IL17RD: variants seen among roughly 807,000 people sequenced by gnomAD.
IL17RD encodes interleukin-17 receptor D.
IL17RD carries 52 observed loss-of-function variants against 80.5 expected under a neutral mutation model. That is an observed-to-expected ratio of 0.65 (90% confidence interval 0.52 to 0.81). IL17RD has a LOEUF of 0.81. Ranked by LOEUF, IL17RD falls within the 40% of genes least tolerant of loss-of-function variation. IL17RD has a pLI of 0.00. For missense variants in IL17RD, 1,024 were observed against 955.1 expected (o/e 1.07, Z -0.95); for synonymous variants, 416 against 391.8 (o/e 1.06, Z -0.73).
intron 1 of IL17RD, among the ~76,000 whole-genome samples, chr3:57,161,805 C>A (rs960257620): frequency 3.3e-5 from 5 of 152,218 alleles, no homozygotes; most frequent in African/African-American, 1.2e-4. Flanking sequence ...CAAAACCATT[C>A]CACTCTAGAA....
chr3:57,131,363 G>A (rs1048528596), intron 1 of IL17RD, among the ~76,000 whole-genome samples: 1 of 152,090 alleles, frequency 6.6e-6, no homozygotes, highest in Non-Finnish European at 1.5e-5. Flanking sequence ...AAATACCACC[G>A]TCCTGCCTTA....
chr3:57,141,279 G>A (rs1707823394), intron 1 of IL17RD, among the ~76,000 whole-genome samples: 1 of 152,072 alleles, frequency 6.6e-6, no homozygotes, highest in Non-Finnish European at 1.5e-5. Flanking sequence ...ATTTTTGAGG[G>A]CATAAAAAAG....
At chr3:57,169,867 A>G (rs909059812), upstream of IL17RD, among the ~76,000 whole-genome samples, 2 of 152,144 alleles carry the variant, frequency 1.3e-5, no homozygotes, top group African/African-American at 2.4e-5. Flanking sequence ...CTGGATGTCA[A>G]TCAGGCTACC....
At chr3:57,113,200 G>A (rs1707136778) in intron 3 of IL17RD, among the ~76,000 whole-genome samples, 1 of 151,996 alleles carries the variant, frequency 6.6e-6, no homozygotes, top group Non-Finnish European at 1.5e-5. Flanking sequence ...TATAATACAG[G>A]TTTGCTTTTT....
Position 57,143,116 on chromosome 3 carries a change from G to C in IL17RD, c.126+22045C>G, listed in dbSNP as rs140833049. On this transcript the variant is annotated intron_variant, in intron 1 of 12. Coordinates refer to ENST00000296318, the MANE Select transcript of IL17RD (RefSeq NM_017563.5). ...TCACAAACCAAAGTTTATGTGAGCA[G>C]CTAAGCCCCCTTTCAAAGTAGAGAG... is the stretch of plus-strand genomic sequence containing the variant. Among the ~76,000 whole-genome samples the C allele has an allele frequency of 3.7e-4, 57 of 152,344 alleles. No individual in the cohort carries two copies. The East Asian group carries it at 9.2e-3, about 25-fold the overall frequency.
intron 1 of IL17RD, among the ~76,000 whole-genome samples, chr3:57,141,058 G>T (rs1227540141): frequency 6.6e-6 from 1 of 151,904 alleles, no homozygotes; most frequent in Admixed American, 6.6e-5. Flanking sequence ...ATCATGCCTG[G>T]CTAATTTTTA....
intron 1 of IL17RD, among the ~76,000 whole-genome samples, chr3:57,135,479 C>T (rs1707706285): frequency 6.6e-6 from 1 of 152,164 alleles, no homozygotes; most frequent in Admixed American, 6.5e-5. Context: ...GTAAAGATAA[C>T]AAGTTCAAGG....
Position 57,105,968 on chromosome 3 carries a change from C to G in IL17RD, c.636G>C (p.Ser212=), listed in dbSNP as rs745650049. The change falls in exon 7 of 13, where the codon TCG becomes TCC. Residue 212 remains serine, a synonymous_variant. Transcript: ENST00000296318. ...CATGGTCGAAGGACACCTGCATGTC[C>G]GAGCCATGCTGGCTGATGTTCAGGT... ...PRNLNISQHG[S]DMQVSFDHAP... is the part of the protein sequence containing the mutation. The G allele has an allele frequency of 6.2e-7, 1 of 1,613,810 alleles. No homozygotes were observed. The highest frequency in any genetic ancestry group is 8.5e-7 in the Non-Finnish European group (1 of 1,179,784).
At position 57,096,317 on chromosome 3, in the gene IL17RD, T is replaced by A. The variant is rs1016618833; in HGVS notation, c.*76A>T. 2 of 989,646 alleles carry A rather than the reference T, an allele frequency of 2.0e-6. No homozygotes were observed. The highest frequency in any genetic ancestry group is 1.3e-5 in the South Asian group (1 of 78,214). 61.3% of individuals were successfully genotyped at this position (989,646 alleles called of 1,614,324 possible). ...TGAGACCTCAGCTCCAAGTGGGCCA[T>A]GCAACCAGGGAGATGAGCTGGGGAA... On this transcript the variant is annotated 3_prime_UTR_variant, in exon 13 of 13. Coordinates refer to ENST00000296318, the MANE Select transcript of IL17RD (RefSeq NM_017563.5).
intron 11 of IL17RD, among the ~76,000 whole-genome samples, chr3:57,099,487 G>A (rs994912602): frequency 2.6e-5 from 4 of 152,232 alleles, no homozygotes; most frequent in African/African-American, 7.2e-5. Flanking sequence ...TGGCTATGAC[G>A]AAACACAGCA....
chr3:57,145,362 A>G (rs1026408583), intron 1 of IL17RD, among the ~76,000 whole-genome samples: 1 of 152,212 alleles, frequency 6.6e-6, no homozygotes, highest in Non-Finnish European at 1.5e-5. Flanking sequence ...AAGCTGGGTG[A>G]TCACACATGA....
At chr3:57,161,106 G>T (rs1021781629) in intron 1 of IL17RD, among the ~76,000 whole-genome samples, 3 of 152,164 alleles carry the variant, frequency 2.0e-5, no homozygotes, top group Non-Finnish European at 4.4e-5. Context: ...CAATTAACTA[G>T]GCAAAACAGG....
At chr3:57,130,436 C>G (rs762279086) in intron 1 of IL17RD, among the ~76,000 whole-genome samples, 7 of 152,234 alleles carry the variant, frequency 4.6e-5, no homozygotes, top group Non-Finnish European at 1.0e-4. Context: ...GTGACCCCAG[C>G]TGGTTCTCTC....
At chr3:57,100,169 G>GT (rs1182451287) in intron 11 of IL17RD, among the ~76,000 whole-genome samples, 1 of 152,184 alleles carries the variant, frequency 6.6e-6, no homozygotes, top group Non-Finnish European at 1.5e-5. Flanking sequence ...GTTGCCCGTG[G>GT]TATCTGAAAA....
chr3:57,156,068 C>G (rs1401633670), intron 1 of IL17RD, among the ~76,000 whole-genome samples: 1 of 152,136 alleles, frequency 6.6e-6, no homozygotes, highest in Non-Finnish European at 1.5e-5. Flanking sequence ...GCACTGTTCT[C>G]GTGATGCAGA....
chr3:57,118,322 T>A (rs1218746032), intron 2 of IL17RD, among the ~76,000 whole-genome samples: 1 of 152,252 alleles, frequency 6.6e-6, no homozygotes, highest in Non-Finnish European at 1.5e-5. Context: ...AAAATAGCCA[T>A]GCCAGCAACT....
chr3:57,117,251 C>G (rs891677358), intron 2 of IL17RD, among the ~76,000 whole-genome samples: 1 of 151,812 alleles, frequency 6.6e-6, no homozygotes, highest in African/African-American at 2.4e-5. Flanking sequence ...GTAGCTGGGA[C>G]TACAGGCACA....
upstream of IL17RD, among the ~76,000 whole-genome samples, chr3:57,166,679 G>A (rs2060349884): frequency 6.6e-6 from 1 of 152,168 alleles, no homozygotes; most frequent in Non-Finnish European, 1.5e-5. Context: ...AATCCATACT[G>A]GCTTTCTCTT....
intron 1 of IL17RD, among the ~76,000 whole-genome samples, chr3:57,146,696 G>A (rs2107531440): frequency 7.0e-6 from 1 of 143,672 alleles, no homozygotes; most frequent in African/African-American, 2.6e-5. Flanking sequence ...GTTGCGGTGA[G>A]CCAAGATTAC....
Sources: allele counts gnomAD v4.1 joint callset (sites outside exome capture counted in the v4.1 genomes callset), GRCh38; gene constraint gnomAD v4.1.1; transcripts MANE v1.5; gene names NCBI Gene and HGNC (gene_info 2026-07-23, HGNC 2026-07-21).